MIPOL1: variants seen among roughly 807,000 people sequenced by gnomAD.
MIPOL1 encodes the protein mirror-image polydactyly 1.
Under a neutral mutation model 60.9 loss-of-function variants are expected in MIPOL1, and 57 were observed. The observed-to-expected ratio is 0.94, with a 90% CI of 0.76 to 1.17. The LOEUF (loss-of-function observed/expected upper bound fraction) is 1.17, where lower values mean the gene tolerates loss of function less well. MIPOL1 is among the 50% of genes most tolerant of loss of function. The pLI is 0.00. For synonymous variants in MIPOL1, 179 were observed against 168.8 expected (o/e 1.06, Z -0.47); for missense variants, 551 against 511.6 (o/e 1.08, Z -0.74).
chr14:37,218,891 C>T (rs1295861038), intron 1 of MIPOL1, among the ~76,000 whole-genome samples: 2 of 147,664 alleles, frequency 1.4e-5, no homozygotes, highest in African/African-American at 5.0e-5. Flanking sequence ...CACCACTGCA[C>T]TCCAGCCTGG....
chr14:37,369,460 T>C, intron 9 of MIPOL1, 57 bp from the exon 10 acceptor site: 1 of 1,259,688 alleles, frequency 7.9e-7, no homozygotes, highest in Non-Finnish European at 1.1e-6. Flanking sequence ...TTCATGTGGC[T>C]TGGTGAAAAA....
chr14:37,325,791 G>A (rs557294409), intron 9 of MIPOL1, among the ~76,000 whole-genome samples: 1 of 152,146 alleles, frequency 6.6e-6, no homozygotes, highest in African/African-American at 2.4e-5. Flanking sequence ...TACCCCCATT[G>A]GATAGTGGCA....
At chr14:37,200,669 T>G (rs961363640) in intron 1 of MIPOL1, among the ~76,000 whole-genome samples, 2 of 150,570 alleles carry the variant, frequency 1.3e-5, no homozygotes, top group Admixed American at 1.3e-4. Flanking sequence ...AGTTAGTTTT[T>G]TTTTTTTTTT....
intron 7 of MIPOL1, among the ~76,000 whole-genome samples, chr14:37,294,023 C>T (rs1406290770): frequency 6.6e-6 from 1 of 152,198 alleles, no homozygotes; most frequent in African/African-American, 2.4e-5. Context: ...CAAGTGGGTC[C>T]CTGACCCCCG....
At chr14:37,532,760 A>C (rs959044311) in intron 12 of MIPOL1, among the ~76,000 whole-genome samples, 3 of 152,178 alleles carry the variant, frequency 2.0e-5, no homozygotes, top group African/African-American at 7.2e-5. Context: ...AGAAATACCT[A>C]TTTTGAGTAA....
chr14:37,468,112 C>A (rs2094626126), intron 11 of MIPOL1, among the ~76,000 whole-genome samples: 1 of 150,798 alleles, frequency 6.6e-6, no homozygotes, highest in Non-Finnish European at 1.5e-5. Flanking sequence ...ACTGTTGTAT[C>A]CCCAAGCATT....
intron 11 of MIPOL1, among the ~76,000 whole-genome samples, chr14:37,440,326 G>T (rs575365732): frequency 1.3e-5 from 2 of 151,998 alleles, no homozygotes; most frequent in Non-Finnish European, 2.9e-5. Context: ...CATTACATGC[G>T]CAAATTAAGT....
intron 5 of MIPOL1, 85 bp downstream of exon 5, chr14:37,268,878 G>T: frequency 1.8e-6 from 2 of 1,122,662 alleles, no homozygotes; most frequent in Non-Finnish European, 1.2e-6. Context: ...TCATAATTCA[G>T]TTTTATTTTG....
chr14:37,359,331 C>G (rs956221667), intron 9 of MIPOL1, among the ~76,000 whole-genome samples: 1 of 152,068 alleles, frequency 6.6e-6, no homozygotes, highest in African/African-American at 2.4e-5. Context: ...TTTTTTGGTT[C>G]CATATGAACT....
At chr14:37,410,478 A>T (rs149227549) in intron 10 of MIPOL1, among the ~76,000 whole-genome samples, 1 of 152,210 alleles carries the variant, frequency 6.6e-6, no homozygotes, top group African/African-American at 2.4e-5. Context: ...CTGAATTTTT[A>T]CAATTTCAGA....
intron 1 of MIPOL1, among the ~76,000 whole-genome samples, chr14:37,214,973 G>C (rs1967367529): frequency 6.6e-6 from 1 of 152,068 alleles, no homozygotes. Context: ...TTATCCGGCG[G>C]CCTAACCATC....
At chr14:37,460,398 A>T (rs747603674) in intron 11 of MIPOL1, among the ~76,000 whole-genome samples, 1 of 152,180 alleles carries the variant, frequency 6.6e-6, no homozygotes, top group Admixed American at 6.5e-5. Flanking sequence ...ACAGACCCAC[A>T]GCCAATATCT....
At chr14:37,394,264 C>T (rs1320456522) in intron 10 of MIPOL1, among the ~76,000 whole-genome samples, 2 of 151,338 alleles carry the variant, frequency 1.3e-5, no homozygotes, top group African/African-American at 4.9e-5. Context: ...TTCTTTTTCT[C>T]TGCATAGATA....
At chr14:37,288,640 C>CA (rs898665687) in intron 7 of MIPOL1, among the ~76,000 whole-genome samples, 28 of 151,482 alleles carry the variant, frequency 1.8e-4, no homozygotes, top group Admixed American at 1.2e-3. Flanking sequence ...CCTGTTTCTA[C>CA]AAAAAAAATT....
intron 7 of MIPOL1, among the ~76,000 whole-genome samples, chr14:37,297,290 T>C (rs201531939): frequency 8.5e-5 from 13 of 152,330 alleles, no homozygotes; most frequent in African/African-American, 3.1e-4. Flanking sequence ...AATTAGGTAT[T>C]GATGGGATGT....
At chr14:37,513,684 A>G (rs2095347035) in intron 12 of MIPOL1, among the ~76,000 whole-genome samples, 2 of 152,174 alleles carry the variant, frequency 1.3e-5, no homozygotes, top group Admixed American at 1.3e-4. Context: ...TTTTGTAACT[A>G]ACCTTATGGA....
chr14:37,471,997 C>A (rs527522502), intron 11 of MIPOL1, among the ~76,000 whole-genome samples: 20 of 152,210 alleles, frequency 1.3e-4, no homozygotes, highest in African/African-American at 4.8e-4. Context: ...ATGCAGTGAC[C>A]CAATTCCAAG....
chr14:37,429,966 C>T (rs1170820451), intron 11 of MIPOL1, among the ~76,000 whole-genome samples: 1 of 152,098 alleles, frequency 6.6e-6, no homozygotes, highest in East Asian at 1.9e-4. Flanking sequence ...CAATATTTTT[C>T]TCAATGCAAA....
chr14:37,268,498 C>G (rs2083047257), intron 4 of MIPOL1, among the ~76,000 whole-genome samples, 160 bp from the exon 5 acceptor site: 2 of 152,248 alleles, frequency 1.3e-5, no homozygotes, highest in South Asian at 2.1e-4. Flanking sequence ...CCTGTGCTTA[C>G]AAATTTAATA....
Sources: gnomAD v4.1 joint callset for allele counts (sites outside exome capture counted in the v4.1 genomes callset) on GRCh38, gnomAD v4.1.1 for gene constraint, MANE v1.5 for transcripts, NCBI Gene and HGNC (gene_info 2026-07-23, HGNC 2026-07-21) for gene names.